Variants in KAZN observed in about 807,000 individuals in gnomAD.
KAZN encodes kazrin, periplakin interacting protein.
A neutral mutation model predicts 87.4 loss-of-function variants in KAZN; 40 were observed. The observed-to-expected ratio is 0.46, with a 90% CI of 0.36 to 0.60. KAZN has a LOEUF of 0.60. Ranked by LOEUF, KAZN falls within the 20% of genes least tolerant of loss-of-function variation. KAZN has a pLI of 0.00. For synonymous variants in KAZN, 466 were observed against 458.3 expected, an observed-to-expected ratio of 1.02 and a Z score of -0.22; for missense variants, 898 against 1,073.9, an observed-to-expected ratio of 0.84 and a Z score of 2.29.
chr1:15,000,975 T>C (rs12044913), intron 2 of KAZN, among the ~76,000 whole-genome samples: 25,568 of 151,796 alleles, frequency 0.17, 2,487 homozygotes, highest in East Asian at 0.35. Context: ...TGGTAGTGTC[T>C]ACCTGTGATC....
At chr1:15,045,881 C>T (rs1389036312) in intron 4 of KAZN, among the ~76,000 whole-genome samples, 1 of 152,208 alleles carries the variant, frequency 6.6e-6, no homozygotes, top group Non-Finnish European at 1.5e-5. Flanking sequence ...TATCCACTTA[C>T]CTCCACCTGG....
At chr1:14,837,261 C>A (rs546636082) in intron 1 of KAZN, among the ~76,000 whole-genome samples, 1 of 152,122 alleles carries the variant, frequency 6.6e-6, no homozygotes, top group Non-Finnish European at 1.5e-5. Flanking sequence ...TGCAATAGTG[C>A]GGTCTTGGCT....
At chr1:14,304,121 C>T (rs1471426560) in intron 2 of KAZN, among the ~76,000 whole-genome samples, 1 of 152,162 alleles carries the variant, frequency 6.6e-6, no homozygotes, top group African/African-American at 2.4e-5. Flanking sequence ...CCAAGGCTTC[C>T]CTTCCTCTGG....
chr1:14,416,062 A>C (rs1230227678), intron 2 of KAZN, among the ~76,000 whole-genome samples: 2 of 152,122 alleles, frequency 1.3e-5, no homozygotes, highest in Non-Finnish European at 2.9e-5. Flanking sequence ...TTTGCAGAAA[A>C]AAGGCACTGC....
chr1:14,721,227 GGGGGTGGT>G (rs1643084755), intron 1 of KAZN, among the ~76,000 whole-genome samples: 2 of 152,040 alleles, frequency 1.3e-5, no homozygotes, highest in Non-Finnish European at 2.9e-5. Flanking sequence ...ATTGAATCAT[GGGGGTGGT>G]TACCTCCATG....
intron 2 of KAZN, chr1:14,180,723 T>C: frequency 1.5e-6 from 1 of 667,392 alleles, no homozygotes; most frequent in Non-Finnish European, 2.5e-6. Context: ...AGATTGGATA[T>C]GTTGAGTATT....
intron 1 of KAZN, among the ~76,000 whole-genome samples, chr1:14,742,781 C>G (rs1165587304): frequency 6.6e-6 from 1 of 152,202 alleles, no homozygotes; most frequent in Non-Finnish European, 1.5e-5. Flanking sequence ...TTTGCTGAGC[C>G]TGTCCTGTGG....
chr1:14,756,058 G>A (rs557517222), intron 1 of KAZN, among the ~76,000 whole-genome samples: 1 of 152,116 alleles, frequency 6.6e-6, no homozygotes, highest in Non-Finnish European at 1.5e-5. Context: ...CTGCAGACAC[G>A]GTACTTCCTG....
intron 1 of KAZN, among the ~76,000 whole-genome samples, chr1:14,825,688 A>T (rs1464644076): frequency 6.6e-6 from 1 of 152,098 alleles, no homozygotes; most frequent in Non-Finnish European, 1.5e-5. Flanking sequence ...CCACCTCTAA[A>T]GCCTGTGCAC....
chr1:14,857,525 A>C (rs1226111026), intron 1 of KAZN, among the ~76,000 whole-genome samples: 2 of 135,568 alleles, frequency 1.5e-5, no homozygotes, highest in African/African-American at 6.3e-5. Flanking sequence ...AGAGTGAGAC[A>C]CACTCTCACA....
intron 1 of KAZN, among the ~76,000 whole-genome samples, chr1:13,958,051 C>T (rs1641610498): frequency 6.6e-6 from 1 of 152,128 alleles, no homozygotes; most frequent in Admixed American, 6.5e-5. Flanking sequence ...CATGAATATT[C>T]ACCTCATTCG....
intron 2 of KAZN, among the ~76,000 whole-genome samples, chr1:14,194,814 A>G (rs1413408838): frequency 6.6e-6 from 1 of 152,124 alleles, no homozygotes; most frequent in Non-Finnish European, 1.5e-5. Flanking sequence ...CACTTTCTAG[A>G]GGAGTGAATC....
rs570076465 is a variant in KAZN, at chr1:14,297,883, C to T, written c.249+117291C>T. On this transcript the variant is annotated intron_variant, in intron 2 of 16. Transcript: ENST00000636203. ...GGACATCAAGAGTAGGAGTTGCTGC[C>T]CTGGATGGCAGATTCAAATGGCCAA... Among the ~76,000 whole-genome samples the T allele has an allele frequency of 8.5e-5, 13 of 152,152 alleles. No individual in the cohort carries two copies. The South Asian group carries it at 2.7e-3, about 32-fold the overall frequency.
intron 2 of KAZN, among the ~76,000 whole-genome samples, chr1:14,355,400 A>ATATTTATTTATTTATT (rs58049152): frequency 6.8e-6 from 1 of 147,902 alleles, no homozygotes; most frequent in Non-Finnish European, 1.5e-5. Flanking sequence ...AACAATCTAC[A>ATATTTATTTATTTATT]TATTTATTTA....
chr1:14,613,096 A>G (rs1006512925), intron 1 of KAZN, among the ~76,000 whole-genome samples: 3 of 152,154 alleles, frequency 2.0e-5, no homozygotes, highest in Non-Finnish European at 2.9e-5. Flanking sequence ...CGAACTTCCT[A>G]TGATGTCCTG....
chr1:15,000,786 TCAACATTAGG>T (rs1283145959), intron 2 of KAZN, among the ~76,000 whole-genome samples: 1 of 151,878 alleles, frequency 6.6e-6, no homozygotes, highest in Non-Finnish European at 1.5e-5. Flanking sequence ...TACGTTTGGA[TCAACATTAGG>T]CAACCTGGAT....
intron 1 of KAZN, among the ~76,000 whole-genome samples, chr1:14,119,036 A>C (rs72641681): frequency 9.8e-5 from 7 of 71,612 alleles, no homozygotes; most frequent in East Asian, 1.3e-3. Flanking sequence ...AACAAACAAA[A>C]AAAACAAAAA....
chr1:14,022,128 T>C (rs1280707973), intron 1 of KAZN, among the ~76,000 whole-genome samples: 1 of 152,018 alleles, frequency 6.6e-6, no homozygotes, highest in Non-Finnish European at 1.5e-5. Context: ...AGGTGAGGAC[T>C]GAATAATGAC....
intron 1 of KAZN, among the ~76,000 whole-genome samples, chr1:13,975,328 C>T (rs1014541764): frequency 3.3e-5 from 5 of 152,290 alleles, no homozygotes; most frequent in Non-Finnish European, 7.3e-5. Flanking sequence ...TCATCACAGC[C>T]CATACCAAGC....
Sources: gnomAD v4.1 joint callset for allele counts (sites outside exome capture counted in the v4.1 genomes callset) on GRCh38, gnomAD v4.1.1 for gene constraint, MANE v1.5 for transcripts, NCBI Gene and HGNC (gene_info 2026-07-23, HGNC 2026-07-21) for gene names.